Variants in PTP4A2 observed in about 807,000 individuals in gnomAD.
PTP4A2 encodes protein tyrosine phosphatase 4A2, also known as protein tyrosine phosphatase type IVA 2.
A neutral mutation model predicts 22.9 loss-of-function variants in PTP4A2; 2 were observed. The ratio of observed to expected loss-of-function variants is 0.09; its 90% CI spans 0.04 to 0.27. PTP4A2 has a LOEUF of 0.27. PTP4A2 is among the 10% of genes least tolerant of loss of function. PTP4A2 has a pLI of 1.00. For synonymous variants in PTP4A2, 68 were observed against 69.1 expected (o/e 0.98, Z 0.08); for missense variants, 103 against 205.1 (o/e 0.50, Z 3.04).
chr1:31,913,071 G>C (rs1370466011), intron 3 of PTP4A2: 1 of 431,162 alleles, frequency 2.3e-6, no homozygotes, highest in South Asian at 1.6e-5. Context: ...CATATAAGTA[G>C]TGTCTATTTT....
At chr1:31,926,938 T>C (rs1251195114) in intron 1 of PTP4A2, among the ~76,000 whole-genome samples, 3 of 152,078 alleles carry the variant, frequency 2.0e-5, no homozygotes, top group Non-Finnish European at 4.4e-5. Flanking sequence ...TTGGGGAGCA[T>C]TTTAGGCAGA....
At chr1:31,912,539 A>C (rs192829794) in intron 3 of PTP4A2, among the ~76,000 whole-genome samples, 2 of 152,278 alleles carry the variant, frequency 1.3e-5, no homozygotes, top group Admixed American at 1.3e-4. Context: ...GCTATCTTTC[A>C]ATTAAGACTA....
At chr1:31,912,449 A>G (rs2124151136) in intron 3 of PTP4A2, among the ~76,000 whole-genome samples, 1 of 152,350 alleles carries the variant, frequency 6.6e-6, no homozygotes, top group South Asian at 2.1e-4. Flanking sequence ...TAACAAGGAC[A>G]GGGCTGCATG....
intron 5 of PTP4A2, 117 bp downstream of exon 5, chr1:31,909,921 A>T: frequency 1.3e-6 from 1 of 793,160 alleles, no homozygotes; most frequent in Non-Finnish European, 2.0e-6. Flanking sequence ...TTCAAATAAT[A>T]CTTCAAGCCA....
intron 3 of PTP4A2, chr1:31,914,057 C>G (rs1651687400): frequency 5.2e-6 from 2 of 382,136 alleles, no homozygotes; most frequent in Admixed American, 3.2e-5. Context: ...ATTACCATGC[C>G]AAACTATTAA....
intron 4 of PTP4A2, chr1:31,911,349 C>T (rs1651526043): frequency 1.2e-5 from 2 of 166,300 alleles, no homozygotes; most frequent in Non-Finnish European, 2.6e-5. Flanking sequence ...TATCTATTAA[C>T]TTCCCATTCA....
intron 3 of PTP4A2, 96 bp from the exon 4 acceptor site, chr1:31,911,922 A>T (rs891213625): frequency 4.7e-5 from 35 of 743,706 alleles, no homozygotes; most frequent in Non-Finnish European, 6.6e-5. Context: ...GGCAGGCCTA[A>T]CTGAACTAAC....
At chr1:31,937,127 C>A (rs911126228) in intron 1 of PTP4A2, among the ~76,000 whole-genome samples, 1 of 152,172 alleles carries the variant, frequency 6.6e-6, no homozygotes, top group African/African-American at 2.4e-5. Context: ...AGACAAACTT[C>A]TTTTCGTTAG....
At chr1:31,930,194 C>T (rs946472770) in intron 1 of PTP4A2, among the ~76,000 whole-genome samples, 84 of 152,126 alleles carry the variant, frequency 5.5e-4, no homozygotes, top group African/African-American at 2.0e-3. Flanking sequence ...AAAAATTAGC[C>T]GGGCGAGGTG....
intron 1 of PTP4A2, among the ~76,000 whole-genome samples, chr1:31,930,773 A>G (rs140980272): frequency 1.3e-5 from 2 of 152,326 alleles, no homozygotes; most frequent in African/African-American, 4.8e-5. Flanking sequence ...CTGTCTATCC[A>G]CTAATTGTCC....
chr1:31,908,741 TG>T lies in PTP4A2; in HGVS notation c.*110del. 2 of 742,386 alleles carry T rather than the reference TG, an allele frequency of 2.7e-6. No individual in the cohort carries two copies. The highest frequency in any genetic ancestry group is 4.7e-6 in the Non-Finnish European group (2 of 425,042). 46.0% of individuals were successfully genotyped at this position (742,386 alleles called of 1,614,324 possible). On this transcript the variant is annotated 3_prime_UTR_variant, in exon 6 of 6. Coordinates refer to ENST00000647444, the MANE Select transcript of PTP4A2 (RefSeq NM_080391.4). ...CATTAGGAGAGTGGTTGAGGAGTAC[TG>T]AATCCATCACTACTTTGATGACACA...
At chr1:31,909,966 T>C (rs1172455393) in intron 5 of PTP4A2, 72 bp downstream of exon 5, 12 of 1,326,564 alleles carry the variant, frequency 9.0e-6, no homozygotes, top group Non-Finnish European at 1.3e-5. Context: ...TAAATGAATA[T>C]CCCTTCCATA....
At chr1:31,932,200 A>G (rs1652754118) in intron 1 of PTP4A2, among the ~76,000 whole-genome samples, 1 of 152,258 alleles carries the variant, frequency 6.6e-6, no homozygotes, top group African/African-American at 2.4e-5. Context: ...GCTAAAACAA[A>G]TATATCATGT....
chr1:31,936,522 G>A (rs1187602735), intron 1 of PTP4A2, among the ~76,000 whole-genome samples: 3 of 152,054 alleles, frequency 2.0e-5, no homozygotes, highest in Non-Finnish European at 4.4e-5. Context: ...CCAACTTCTA[G>A]GAGACATTAT....
chr1:31,911,902 C>T (rs1651552358), intron 3 of PTP4A2, 76 bp from the exon 4 acceptor site: 3 of 1,161,744 alleles, frequency 2.6e-6, no homozygotes, highest in African/African-American at 1.6e-5. Flanking sequence ...TACCTGCACA[C>T]AGTACACACG....
At chr1:31,920,276 T>A (rs936401958) in intron 1 of PTP4A2, among the ~76,000 whole-genome samples, 1 of 147,462 alleles carries the variant, frequency 6.8e-6, no homozygotes, top group South Asian at 2.2e-4. Context: ...AAACCCCGTC[T>A]CTACTAAAAA....
At chr1:31,917,485 G>A (rs1651907363) in intron 2 of PTP4A2, among the ~76,000 whole-genome samples, 1 of 152,120 alleles carries the variant, frequency 6.6e-6, no homozygotes, top group Non-Finnish European at 1.5e-5. Flanking sequence ...AATAAACTCT[G>A]TAATAGCCAT....
chr1:31,914,512 A>C, intron 3 of PTP4A2: 1 of 294,510 alleles, frequency 3.4e-6, no homozygotes, highest in Non-Finnish European at 6.9e-6. Context: ...CCAACCACTG[A>C]CCAATATAAT....
chr1:31,909,499 C>T (rs1001065165), intron 5 of PTP4A2, among the ~76,000 whole-genome samples: 4 of 151,940 alleles, frequency 2.6e-5, no homozygotes, highest in African/African-American at 9.7e-5. Flanking sequence ...CATGGTGAAA[C>T]CCCGTCTACT....
Sources: gnomAD v4.1 joint callset for allele counts (sites outside exome capture counted in the v4.1 genomes callset) on GRCh38, gnomAD v4.1.1 for gene constraint, MANE v1.5 for transcripts, NCBI Gene and HGNC (gene_info 2026-07-23, HGNC 2026-07-21) for gene names.